DPH6: variants seen among roughly 807,000 people sequenced by gnomAD.
DPH6 encodes diphthine--ammonia ligase.
DPH6 carries 33 observed loss-of-function variants against 38.2 expected under a neutral mutation model. The ratio of observed to expected loss-of-function variants is 0.86; its 90% CI spans 0.65 to 1.15. The LOEUF (loss-of-function observed/expected upper bound fraction) is 1.15. Ranked by LOEUF, DPH6 falls within the 50% of genes most tolerant of loss-of-function variation. DPH6 has a pLI of 0.00. For synonymous variants in DPH6, 108 were observed against 103.0 expected (o/e 1.05, Z -0.30); for missense variants, 325 against 320.0 (o/e 1.02, Z -0.12).
At chr15:35,298,071 T>A (rs769134141) in intron 3 of DPH6, among the ~76,000 whole-genome samples, 16 of 152,162 alleles carry the variant, frequency 1.1e-4, no homozygotes, top group Non-Finnish European at 1.9e-4. Context: ...AACGGATTTT[T>A]ATACTATATT....
At chr15:35,400,444 A>G (rs1298057196) in intron 6 of DPH6, among the ~76,000 whole-genome samples, 2 of 152,122 alleles carry the variant, frequency 1.3e-5, no homozygotes, top group Non-Finnish European at 1.5e-5. Context: ...CCAGAGTGGA[A>G]AGTCAATAAA....
chr15:35,351,037 T>C (rs2052506176), intron 3 of DPH6, among the ~76,000 whole-genome samples: 1 of 152,192 alleles, frequency 6.6e-6, no homozygotes, highest in African/African-American at 2.4e-5. Context: ...TCTCTATCAT[T>C]ATTGTGTTAC....
chr15:35,393,041 C>T (rs1050743088), intron 6 of DPH6, among the ~76,000 whole-genome samples: 3 of 152,156 alleles, frequency 2.0e-5, no homozygotes, highest in Non-Finnish European at 2.9e-5. Flanking sequence ...AAGTCATTAT[C>T]CTAAGGTCAG....
rs72625182 is a variant in DPH6 at position 35,299,478 on chromosome 15, T to C, written n.200+74043A>G. 21,827 of 757,402 alleles carry C rather than the reference T, an allele frequency of 0.029. 2,403 individuals are homozygous for C. In the East Asian group the frequency reaches 0.32, roughly 11 times the overall value. The allele number at this position is 757,402 out of a possible 1,614,324, so 46.9% of individuals were successfully genotyped here. A position where few individuals can be genotyped will look rare whatever the true frequency, so the allele number is the denominator to read the frequency against. On this transcript the variant is annotated intron_variant and non_coding_transcript_variant, in intron 3 of 3. Coordinates refer to the DPH6 transcript ENST00000560386. ...TTAATGCCGGCCCGCCCGCCGACTC[T>C]GCCCATGGGCCGCGGTGGCGGCAGC... is the stretch of plus-strand genomic sequence containing the variant.
At chr15:35,250,705 C>T (rs1193233183) in intron 3 of DPH6, among the ~76,000 whole-genome samples, 1 of 150,948 alleles carries the variant, frequency 6.6e-6, no homozygotes, top group African/African-American at 2.4e-5. Flanking sequence ...CAAACAAGAT[C>T]TAGGACTAAA....
At chr15:35,167,955 G>A in the DPH6 span, among the ~76,000 whole-genome samples, 1 of 151,968 alleles carries the variant, frequency 6.6e-6, no homozygotes. Flanking sequence ...CTGAATGAGT[G>A]GATTTTGGCC....
chr15:35,406,233 T>C (rs1566898065), intron 6 of DPH6, among the ~76,000 whole-genome samples: 1 of 151,926 alleles, frequency 6.6e-6, no homozygotes, highest in Non-Finnish European at 1.5e-5. Context: ...AAGGATAACA[T>C]GGAGGTAGGA....
chr15:35,388,272 A>G (rs931227338), intron 6 of DPH6, among the ~76,000 whole-genome samples: 1 of 152,178 alleles, frequency 6.6e-6, no homozygotes, highest in African/African-American at 2.4e-5. Context: ...TTTTGCATCA[A>G]TGTTCATCAG....
intron 3 of DPH6, among the ~76,000 whole-genome samples, chr15:35,308,715 T>A (rs1464501626): frequency 6.6e-6 from 1 of 152,184 alleles, no homozygotes; most frequent in African/African-American, 2.4e-5. Flanking sequence ...TAAAAATGAT[T>A]TTAGGTCTTA....
intron 3 of DPH6, among the ~76,000 whole-genome samples, chr15:35,334,628 T>C (rs759051494): frequency 5.3e-5 from 8 of 152,120 alleles, no homozygotes; most frequent in Non-Finnish European, 7.3e-5. Context: ...ATCATTCAGC[T>C]CCCACTTACA....
intron 3 of DPH6, among the ~76,000 whole-genome samples, chr15:35,508,303 G>C (rs1566935054): frequency 6.6e-6 from 1 of 152,072 alleles, no homozygotes; most frequent in Non-Finnish European, 1.5e-5. Flanking sequence ...TTATCTTAAA[G>C]TTTTAATAAA....
intron 3 of DPH6, among the ~76,000 whole-genome samples, chr15:35,322,137 C>A (rs2052246119): frequency 6.6e-6 from 1 of 152,090 alleles, no homozygotes; most frequent in Non-Finnish European, 1.5e-5. Flanking sequence ...TCTTAAAAAC[C>A]AATCTTAGCT....
intron 3 of DPH6, among the ~76,000 whole-genome samples, chr15:35,252,702 G>A (rs977754880): frequency 1.3e-5 from 2 of 152,138 alleles, no homozygotes; most frequent in African/African-American, 4.8e-5. Context: ...CTTGCCTAAG[G>A]GCAGACAGCG....
chr15:35,466,177 ACAGAACAAGGTT>A (rs111676171), intron 3 of DPH6, among the ~76,000 whole-genome samples: 8,096 of 152,204 alleles, frequency 0.053, 321 homozygotes, highest in East Asian at 0.11. Context: ...AACCTGGGCA[ACAGAACAAGGTT>A]CTGTCTCAAA....
chr15:35,356,132 A>T (rs1187014310), intron 3 of DPH6, among the ~76,000 whole-genome samples: 2 of 152,208 alleles, frequency 1.3e-5, no homozygotes, highest in African/African-American at 4.8e-5. Context: ...TTTCAGCTCC[A>T]TCAGGTCATT....
intron 5 of DPH6, among the ~76,000 whole-genome samples, chr15:35,440,278 C>A (rs2053770278): frequency 6.6e-6 from 1 of 152,132 alleles, no homozygotes; most frequent in Admixed American, 6.5e-5. Context: ...AAAGCCAAGC[C>A]CCATGCACCC....
At chr15:35,440,207 A>T (rs1191386389) in intron 5 of DPH6, among the ~76,000 whole-genome samples, 1 of 152,188 alleles carries the variant, frequency 6.6e-6, no homozygotes, top group Non-Finnish European at 1.5e-5. Flanking sequence ...GATGGGAGTA[A>T]ATAAGGTGCC....
chr15:35,528,687 A>C (rs777151124), intron 3 of DPH6, among the ~76,000 whole-genome samples: 6 of 152,188 alleles, frequency 3.9e-5, no homozygotes, highest in Non-Finnish European at 8.8e-5. Context: ...GAATTTGTTG[A>C]ACAGTAAGAA....
chr15:35,218,512 T>G (rs1229789467), exon 4 of DPH6: 1 of 152,230 alleles, frequency 6.6e-6, no homozygotes, highest in Non-Finnish European at 1.5e-5. Context: ...AGTGTACTTT[T>G]GACCTTAATG....
Sources: allele counts gnomAD v4.1 joint callset (sites outside exome capture counted in the v4.1 genomes callset), GRCh38; gene constraint gnomAD v4.1.1; transcripts MANE v1.5; gene names NCBI Gene and HGNC (gene_info 2026-07-23, HGNC 2026-07-21).